GLIS3: variants seen among roughly 807,000 people sequenced by gnomAD.
GLIS3 encodes zinc finger protein GLIS3.
Under a neutral mutation model 78.6 loss-of-function variants are expected in GLIS3, and 53 were observed. The ratio of observed to expected loss-of-function variants is 0.67; its 90% CI spans 0.54 to 0.85. The LOEUF (loss-of-function observed/expected upper bound fraction) is 0.85. Among genes scored for constraint, GLIS3 ranks in the 40% least tolerant of loss-of-function variants. The pLI is 0.00. For synonymous variants in GLIS3, 684 were observed against 509.9 expected (o/e 1.34, Z -4.60); for missense variants, 1,703 against 1,231.1 (o/e 1.38, Z -5.74).
chr9:4,108,572 G>T (rs187520427), intron 4 of GLIS3, among the ~76,000 whole-genome samples: 1 of 151,986 alleles, frequency 6.6e-6, no homozygotes, highest in African/African-American at 2.4e-5. Context: ...TGCTTTTCTG[G>T]GCAATTTTCA....
chr9:3,919,648 T>TAAA (rs570683535), intron 6 of GLIS3, among the ~76,000 whole-genome samples: 3 of 123,818 alleles, frequency 2.4e-5, no homozygotes, highest in Admixed American at 8.0e-5. Context: ...AGTTAAAAAA[T>TAAA]AAAAAAAAAA....
chr9:4,286,523 C>A lies in GLIS3; in HGVS notation c.-98G>T. 2 of 1,442,204 alleles carry A rather than the reference C, an allele frequency of 1.4e-6. No individual in the cohort carries two copies. Among genetic ancestry groups the A allele is most frequent in the Non-Finnish European group, 1.9e-6 (2 of 1,044,002 alleles). The allele number at this position is 1,442,204 out of a possible 1,614,324, so 89.3% of individuals were successfully genotyped here. A position where few individuals can be genotyped will look rare whatever the true frequency, so the allele number is the denominator to read the frequency against. ...AGTTATCCATGGTGTGGGTTATAAGCCTGTTTAAAAAAATAAACGCAGGCA... is the reference window on the plus strand; with the variant it reads ...AGTTATCCATGGTGTGGGTTATAAGACTGTTTAAAAAAATAAACGCAGGCA... On this transcript the variant is annotated splice_region_variant and 5_prime_UTR_variant, in exon 2 of 11. Transcript: ENST00000381971.
chr9:4,265,064 C>A (rs554888564), intron 2 of GLIS3, among the ~76,000 whole-genome samples: 6 of 149,978 alleles, frequency 4.0e-5, no homozygotes, highest in Non-Finnish European at 4.4e-5. Context: ...CCCAGCTACT[C>A]GGGAGGCTGA....
the GLIS3 span, among the ~76,000 whole-genome samples, chr9:4,467,904 G>C: frequency 2.0e-5 from 3 of 152,120 alleles, no homozygotes; most frequent in African/African-American, 4.8e-5. Flanking sequence ...AAGATTAGAC[G>C]AATGGCTAAC....
chr9:4,044,706 C>T (rs558042295), intron 4 of GLIS3, among the ~76,000 whole-genome samples: 1 of 152,176 alleles, frequency 6.6e-6, no homozygotes, highest in Non-Finnish European at 1.5e-5. Flanking sequence ...CTGAGGGTGA[C>T]TGCTCACAGT....
At chr9:4,303,383 T>C (rs1451610242), upstream of GLIS3, among the ~76,000 whole-genome samples, 1 of 151,928 alleles carries the variant, frequency 6.6e-6, no homozygotes, top group Non-Finnish European at 1.5e-5. Context: ...AAATGGAAAA[T>C]TTCCATTTTA....
chr9:4,080,450 A>G (rs1031640556), intron 4 of GLIS3, among the ~76,000 whole-genome samples: 3 of 152,214 alleles, frequency 2.0e-5, no homozygotes, highest in Non-Finnish European at 2.9e-5. Flanking sequence ...TGCATGATGA[A>G]CAAATTATCA....
the GLIS3 span, among the ~76,000 whole-genome samples, chr9:4,460,322 C>G: frequency 2.0e-4 from 30 of 152,184 alleles, no homozygotes; most frequent in African/African-American, 7.2e-4. Context: ...GTTGAAAGTT[C>G]CAGTTTCACA....
At chr9:3,891,089 AAG>A (rs1822406192) in intron 7 of GLIS3, among the ~76,000 whole-genome samples, 1 of 139,278 alleles carries the variant, frequency 7.2e-6, no homozygotes, top group Non-Finnish European at 1.6e-5. Flanking sequence ...AAAGAAGAAG[AAG>A]AAAGTAGGAG....
At chr9:4,467,721 G>A in the GLIS3 span, among the ~76,000 whole-genome samples, 1 of 152,142 alleles carries the variant, frequency 6.6e-6, no homozygotes, top group African/African-American at 2.4e-5. Context: ...AAATCAGAGG[G>A]CCTCTTCACC....
chr9:4,333,062 A>C (rs1033289434), intron 2 of GLIS3, among the ~76,000 whole-genome samples: 10 of 152,202 alleles, frequency 6.6e-5, no homozygotes, highest in Admixed American at 6.5e-4. Flanking sequence ...CTTATGAGAC[A>C]GGTATTATCA....
At chr9:4,477,050 T>A in the GLIS3 span, among the ~76,000 whole-genome samples, 6 of 152,096 alleles carry the variant, frequency 3.9e-5, no homozygotes, top group Non-Finnish European at 8.8e-5. Flanking sequence ...GTTCCAGTAA[T>A]TATGCTTCTG....
At chr9:4,259,593 T>C (rs1326717746) in intron 2 of GLIS3, among the ~76,000 whole-genome samples, 4 of 152,320 alleles carry the variant, frequency 2.6e-5, no homozygotes, top group South Asian at 4.1e-4. Flanking sequence ...CAGGGCAAAC[T>C]GAGACCAAAG....
At chr9:4,006,815 T>C (rs1369944854) in intron 4 of GLIS3, among the ~76,000 whole-genome samples, 3 of 152,136 alleles carry the variant, frequency 2.0e-5, no homozygotes, top group Non-Finnish European at 2.9e-5. Flanking sequence ...TCCGTAATGG[T>C]AAAAGCTAAA....
intron 4 of GLIS3, among the ~76,000 whole-genome samples, chr9:4,106,315 T>C (rs1237897900): frequency 2.0e-5 from 3 of 151,482 alleles, no homozygotes; most frequent in African/African-American, 7.3e-5. Context: ...GAATCAATGA[T>C]TTTTTTTTAT....
At chr9:4,478,483 C>T in the GLIS3 span, among the ~76,000 whole-genome samples, 1 of 151,830 alleles carries the variant, frequency 6.6e-6, no homozygotes, top group Non-Finnish European at 1.5e-5. Context: ...TGGTGGCGGG[C>T]GCCTATAATC....
chr9:4,386,098 A>T, the GLIS3 span, among the ~76,000 whole-genome samples: 1 of 152,188 alleles, frequency 6.6e-6, no homozygotes, highest in African/African-American at 2.4e-5. Context: ...CTTTATTTGG[A>T]TTATTCCCTT....
At chr9:4,012,087 C>A (rs1292168455) in intron 4 of GLIS3, among the ~76,000 whole-genome samples, 1 of 152,116 alleles carries the variant, frequency 6.6e-6, no homozygotes, top group Non-Finnish European at 1.5e-5. Context: ...TACAACAAAA[C>A]CCCTTCTAAC....
At chr9:4,087,613 T>C (rs530067748) in intron 4 of GLIS3, among the ~76,000 whole-genome samples, 5 of 152,158 alleles carry the variant, frequency 3.3e-5, no homozygotes, top group South Asian at 2.1e-4. Context: ...AGCTTAAAAA[T>C]AGAGTTGTAT....
Sources: allele counts gnomAD v4.1 joint callset (sites outside exome capture counted in the v4.1 genomes callset), GRCh38; gene constraint gnomAD v4.1.1; transcripts MANE v1.5; gene names NCBI Gene and HGNC (gene_info 2026-07-23, HGNC 2026-07-21).